The following PHACTR1 variants were observed in gnomAD, a reference collection of about 807,000 sequenced individuals.
PHACTR1 encodes phosphatase and actin regulator 1, also known as RPEL repeat containing 1.
Under a neutral mutation model 69.2 loss-of-function variants are expected in PHACTR1, and 16 were observed. The ratio of observed to expected loss-of-function variants is 0.23; its 90% CI spans 0.16 to 0.35. PHACTR1 has a LOEUF of 0.35. Ranked by LOEUF, PHACTR1 falls within the 10% of genes least tolerant of loss-of-function variation. PHACTR1 has a pLI of 1.00. For synonymous variants in PHACTR1, 312 were observed against 284.5 expected, an observed-to-expected ratio of 1.10 and a Z score of -0.97; for missense variants, 510 against 734.7, an observed-to-expected ratio of 0.69 and a Z score of 3.54.
At chr6:12,872,550 T>C (rs1782142238) in intron 4 of PHACTR1, among the ~76,000 whole-genome samples, 1 of 152,208 alleles carries the variant, frequency 6.6e-6, no homozygotes, top group African/African-American at 2.4e-5. Flanking sequence ...CAACTCTCCA[T>C]GTATGTTGAT....
intron 4 of PHACTR1, among the ~76,000 whole-genome samples, chr6:12,830,584 CA>C (rs34750996): frequency 0.21 from 30,022 of 142,432 alleles, 3,137 homozygotes; most frequent in African/African-American, 0.28. Context: ...TTTTAATTTT[CA>C]AAAAAAAAAA....
In PHACTR1 at chr6:12,798,742, C is replaced by T. The variant is rs1296318380; in HGVS notation, c.250+48952C>T. On this transcript the variant is annotated intron_variant, in intron 4 of 14. Transcript: ENST00000332995. The stretch of plus-strand genomic sequence containing the variant: ...CTGTTTTTCATGCTGGATTATCTTT[C>T]AGAGTATAGCTTTCAATTGGCTTTT... Among the ~76,000 whole-genome samples the T allele has an allele frequency of 3.7e-4, 57 of 152,208 alleles. 2 individuals are homozygous for T.
At chr6:12,993,894 T>C (rs1344031788) in intron 4 of PHACTR1, among the ~76,000 whole-genome samples, 1 of 152,114 alleles carries the variant, frequency 6.6e-6, no homozygotes, top group Non-Finnish European at 1.5e-5. Flanking sequence ...CTGTTAAGTA[T>C]AAACTCACAA....
chr6:12,902,365 G>T (rs1785295838), intron 4 of PHACTR1, among the ~76,000 whole-genome samples: 1 of 152,230 alleles, frequency 6.6e-6, no homozygotes, highest in East Asian at 1.9e-4. Flanking sequence ...AGAAGTTGCA[G>T]TGACCAGAGA....
At chr6:13,198,007 C>T (rs533387469) in intron 7 of PHACTR1, among the ~76,000 whole-genome samples, 1 of 152,298 alleles carries the variant, frequency 6.6e-6, no homozygotes, top group Non-Finnish European at 1.5e-5. Flanking sequence ...CCATGTGGCT[C>T]CTGCTAGTCC....
At chr6:13,263,637 A>G (rs563781795) in intron 10 of PHACTR1, among the ~76,000 whole-genome samples, 1 of 152,370 alleles carries the variant, frequency 6.6e-6, no homozygotes, top group African/African-American at 2.4e-5. Flanking sequence ...GTAAAAATTT[A>G]TCTCCAAAAA....
intron 5 of PHACTR1, among the ~76,000 whole-genome samples, chr6:13,086,083 T>TAAAAAAAAAAAAAAAA (rs776154642): frequency 5.0e-5 from 3 of 60,264 alleles, no homozygotes; most frequent in Admixed American, 1.9e-4. Context: ...TACACATTTC[T>TAAAAAAAAAAAAAAAA]AAAAAAAAAA....
chr6:13,180,808 T>C (rs1762079702), intron 6 of PHACTR1, among the ~76,000 whole-genome samples: 1 of 152,174 alleles, frequency 6.6e-6, no homozygotes, highest in Non-Finnish European at 1.5e-5. Context: ...CATGATGGGA[T>C]AGCGACACAC....
At chr6:12,774,100 A>G (rs1769733529) in intron 4 of PHACTR1, among the ~76,000 whole-genome samples, 1 of 152,216 alleles carries the variant, frequency 6.6e-6, no homozygotes. Context: ...ATAAAATTTA[A>G]AATATTGGTA....
Position 13,272,922 on chromosome 6 carries a change from G to C in PHACTR1, c.1447+7G>C. 1 of 1,614,012 alleles carries C rather than the reference G, an allele frequency of 6.2e-7. No individual in the cohort carries two copies. Among genetic ancestry groups the C allele is most frequent in the Non-Finnish European group, 8.5e-7 (1 of 1,179,890 alleles). ...CAGAGGAACATTTTGAAACGTAAGT[G>C]ACTAAGCCCATGGCAATCCCTGATG... On this transcript the variant is annotated splice_region_variant and intron_variant, in intron 11 of 14. Transcript: ENST00000332995.
intron 4 of PHACTR1, among the ~76,000 whole-genome samples, chr6:12,845,763 C>T (rs1484713419): frequency 1.3e-5 from 2 of 152,072 alleles, no homozygotes; most frequent in East Asian, 1.9e-4. Flanking sequence ...CTGCAATGTA[C>T]GTTATCTTAT....
At chr6:13,239,261 G>A (rs1021882071) in intron 10 of PHACTR1, among the ~76,000 whole-genome samples, 3 of 152,218 alleles carry the variant, frequency 2.0e-5, no homozygotes, top group Admixed American at 6.5e-5. Context: ...GAGCAAGTCA[G>A]GTCAGGGTGA....
intron 4 of PHACTR1, among the ~76,000 whole-genome samples, chr6:12,984,804 T>A (rs1441277168): frequency 6.6e-6 from 1 of 152,196 alleles, no homozygotes; most frequent in African/African-American, 2.4e-5. Context: ...AACCGTCTAA[T>A]GATGAATCTA....
intron 4 of PHACTR1, among the ~76,000 whole-genome samples, chr6:12,915,506 C>CAAAAAA (rs1225757251): frequency 1.0e-4 from 5 of 50,240 alleles, no homozygotes; most frequent in Non-Finnish European, 1.6e-4. Context: ...AACTCTCTCT[C>CAAAAAA]AAAAAAAAAA....
chr6:13,023,933 C>T (rs369628093), intron 4 of PHACTR1, among the ~76,000 whole-genome samples: 2 of 152,056 alleles, frequency 1.3e-5, no homozygotes, highest in Admixed American at 6.6e-5. Context: ...AAAAATTAGC[C>T]GGGCATGGTG....
At chr6:13,251,779 A>T (rs1466278213) in intron 10 of PHACTR1, among the ~76,000 whole-genome samples, 48 of 139,910 alleles carry the variant, frequency 3.4e-4, no homozygotes, top group African/African-American at 1.4e-3. Context: ...ATTAGTGAAA[A>T]ATCATTTAAA....
At chr6:12,957,500 C>A (rs1792038745) in intron 4 of PHACTR1, 22 of 985,426 alleles carry the variant, frequency 2.2e-5, no homozygotes, top group Non-Finnish European at 2.7e-5. Flanking sequence ...CGCAGGACTC[C>A]TTGGAGACGC....
At chr6:12,983,182 A>C (rs1795725039) in intron 4 of PHACTR1, among the ~76,000 whole-genome samples, 1 of 152,270 alleles carries the variant, frequency 6.6e-6, no homozygotes, top group Non-Finnish European at 1.5e-5. Context: ...GATAGCACTG[A>C]AAATACAAAA....
intron 4 of PHACTR1, among the ~76,000 whole-genome samples, chr6:12,751,885 A>T (rs919616651): frequency 6.6e-6 from 1 of 152,226 alleles, no homozygotes; most frequent in Non-Finnish European, 1.5e-5. Context: ...TACTGCAGTC[A>T]GGGGAGCTGT....
Sources: gnomAD v4.1 joint callset for allele counts (sites outside exome capture counted in the v4.1 genomes callset) on GRCh38, gnomAD v4.1.1 for gene constraint, MANE v1.5 for transcripts, NCBI Gene and HGNC (gene_info 2026-07-23, HGNC 2026-07-21) for gene names.